Variants in VPS13D observed in about 807,000 individuals in gnomAD.
The protein encoded by VPS13D is intermembrane lipid transfer protein VPS13D.
A neutral mutation model predicts 461.9 loss-of-function variants in VPS13D; 187 were observed. The ratio of observed to expected loss-of-function variants is 0.40; its 90% CI spans 0.36 to 0.46. The LOEUF (loss-of-function observed/expected upper bound fraction) is 0.46. Among genes scored for constraint, VPS13D ranks in the 20% least tolerant of loss-of-function variants. The probability of loss-of-function intolerance (pLI) is 0.60; values close to 1 mark genes in which losing one functional copy is unlikely to be tolerated. For missense variants in VPS13D, 4,711 were observed against 5,364.9 expected, an observed-to-expected ratio of 0.88 and a Z score of 3.81; for synonymous variants, 1,951 against 1,986.3, an observed-to-expected ratio of 0.98 and a Z score of 0.47.
rs1249008287 is a variant in VPS13D, at chr1:12,502,110, A to C, written c.12794+4479A>C. ...TGCCTCTCCTGTAGGTGGGAGTGAG[A>C]TTGTGAGGAAGAGGATCCCACTCAA... On this transcript the variant is annotated intron_variant, in intron 68 of 69. Coordinates refer to ENST00000620676, the MANE Select transcript of VPS13D (RefSeq NM_015378.4). The surrounding 1 kb of genome is among the most constrained non-coding windows in gnomAD (Gnocchi z 4.3). Among the ~76,000 whole-genome samples the C allele has an allele frequency of 6.6e-6, 1 of 152,144 alleles. No individual in the cohort carries two copies. Among genetic ancestry groups the C allele is most frequent in the African/African-American group, 2.4e-5 (1 of 41,436 alleles).
intron 2 of VPS13D, among the ~76,000 whole-genome samples, chr1:12,236,451 C>T (rs1330212365): frequency 6.6e-6 from 1 of 151,962 alleles, no homozygotes; most frequent in African/African-American, 2.4e-5. Flanking sequence ...CGTGATTTCA[C>T]CTCAATGCCA....
chr1:12,428,926 T>G (rs1463250944), intron 65 of VPS13D, among the ~76,000 whole-genome samples: 2 of 152,214 alleles, frequency 1.3e-5, no homozygotes, highest in Middle Eastern at 3.2e-3. Flanking sequence ...AGTATTGCAG[T>G]GGGGTCTGTG....
chr1:12,454,673 G>A (rs1263204207), intron 65 of VPS13D, among the ~76,000 whole-genome samples: 1 of 152,226 alleles, frequency 6.6e-6, no homozygotes, highest in Non-Finnish European at 1.5e-5. Context: ...TTCCAGGGCA[G>A]ATCTGATCTG....
intron 21 of VPS13D, among the ~76,000 whole-genome samples, chr1:12,285,731 G>A (rs1009119904): frequency 6.6e-6 from 1 of 152,162 alleles, no homozygotes; most frequent in African/African-American, 2.4e-5. Flanking sequence ...TCTAACACCA[G>A]TCCATAATCA....
intron 66 of VPS13D, among the ~76,000 whole-genome samples, chr1:12,459,855 A>G (rs1343624672): frequency 6.6e-6 from 1 of 151,620 alleles, no homozygotes; most frequent in African/African-American, 2.4e-5. Context: ...TGTTGATTTA[A>G]TCCTCTATCT....
chr1:12,422,239 C>T (rs182193420), intron 65 of VPS13D, among the ~76,000 whole-genome samples: 1 of 152,280 alleles, frequency 6.6e-6, no homozygotes, highest in African/African-American at 2.4e-5. Context: ...CAGATATTTT[C>T]ATAATTTGTC....
chr1:12,255,561 T>C (rs977774360), intron 7 of VPS13D, among the ~76,000 whole-genome samples: 1 of 151,988 alleles, frequency 6.6e-6, no homozygotes, highest in Admixed American at 6.6e-5. Context: ...CTTTTTTTTT[T>C]CCTTTAAAAT....
intron 26 of VPS13D, among the ~76,000 whole-genome samples, chr1:12,308,138 G>C (rs74989868): frequency 0.02 from 3,014 of 152,280 alleles, 130 homozygotes; most frequent in Admixed American, 0.11. Flanking sequence ...CCCAGCCTCA[G>C]TTGTTGTCAC....
chr1:12,280,168 G>T (rs933140856), intron 20 of VPS13D, among the ~76,000 whole-genome samples: 1 of 151,996 alleles, frequency 6.6e-6, no homozygotes, highest in Non-Finnish European at 1.5e-5. Flanking sequence ...CATTTTCCCT[G>T]ATTTCACAGG....
At chr1:12,423,312 C>T (rs1359205418) in intron 65 of VPS13D, among the ~76,000 whole-genome samples, 1 of 152,116 alleles carries the variant, frequency 6.6e-6, no homozygotes, top group Non-Finnish European at 1.5e-5. Context: ...TCTCAGTTCT[C>T]ATTTTTAATT....
chr1:12,308,659 T>G lies in VPS13D; in HGVS notation c.6650+18T>G. The stretch of plus-strand genomic sequence containing the variant: ...TTGGACAAGTGAGTGTTTTTTTTTT[T>G]TTTTGAGATGGAGTCTCGCTCTGTT... On this transcript the variant is annotated intron_variant, in intron 27 of 69. Coordinates refer to ENST00000620676, the MANE Select transcript of VPS13D (RefSeq NM_015378.4). 1 of 1,612,000 alleles carries G rather than the reference T, an allele frequency of 6.2e-7. No individual in the cohort carries two copies. The highest frequency in any genetic ancestry group is 1.1e-5 in the South Asian group (1 of 90,898).
rs1028632667 is a variant in VPS13D at position 12,456,483 on chromosome 1, C to T, written c.12466+353C>T. Reference sequence around the variant, plus strand: ...TGGAACCCCATCTCTATCAAAAATACGAAAATTAGACAGGCGTGGTGGTAC... The same window carrying T: ...TGGAACCCCATCTCTATCAAAAATATGAAAATTAGACAGGCGTGGTGGTAC... On this transcript the variant is annotated intron_variant, in intron 66 of 69. Coordinates refer to ENST00000620676, the MANE Select transcript of VPS13D (RefSeq NM_015378.4). Among the ~76,000 whole-genome samples the T allele has an allele frequency of 7.2e-5, 11 of 151,794 alleles. No homozygotes were observed. The East Asian group carries it at 9.7e-4, about 13-fold the overall frequency.
rs747210257 is a variant in VPS13D at position 12,495,550 on chromosome 1, T to C, written c.12663-1950T>C. On this transcript the variant is annotated intron_variant, in intron 67 of 69. Transcript: ENST00000620676. This position sits in a 1 kb window ranked among gnomAD's most constrained non-coding sequence, Gnocchi z 4.0. ...AGAACAAATTATGAGACTACTGTAA[T>C]AATATATTACAAATCCAGGGATCCT... 6.6e-6 allele frequency among the ~76,000 whole-genome samples: 1 copy of C among 152,318 alleles called. No individual in the cohort carries two copies. The highest frequency in any genetic ancestry group is 1.5e-5 in the Non-Finnish European group (1 of 68,034).
At chr1:12,325,553 C>T (rs573306109) in intron 35 of VPS13D, among the ~76,000 whole-genome samples, 144 of 152,242 alleles carry the variant, frequency 9.5e-4, no homozygotes, top group African/African-American at 3.3e-3. Context: ...CCACTGTACC[C>T]GGCCTCTTTC....
At chr1:12,255,883 C>T (rs1216522830) in intron 7 of VPS13D, among the ~76,000 whole-genome samples, 7 of 135,182 alleles carry the variant, frequency 5.2e-5, no homozygotes, top group East Asian at 2.1e-4. Context: ...GAGCAAGACT[C>T]GTCTCAAAAA....
chr1:12,275,061 G>A (rs1303838075), intron 18 of VPS13D, among the ~76,000 whole-genome samples: 1 of 151,966 alleles, frequency 6.6e-6, no homozygotes, highest in Admixed American at 6.6e-5. Context: ...TCTACTAAAA[G>A]TACAAAAATT....
At chr1:12,340,898 G>T (rs1042549030) in intron 40 of VPS13D, among the ~76,000 whole-genome samples, 9 of 152,188 alleles carry the variant, frequency 5.9e-5, no homozygotes, top group African/African-American at 2.2e-4. Flanking sequence ...GGTTAGAGGA[G>T]CTGCTGCCCT....
chr1:12,509,160 T>A lies in VPS13D; in HGVS notation c.*136T>A. 1 of 1,046,558 alleles carries A rather than the reference T, an allele frequency of 9.6e-7. No homozygotes were observed. Among genetic ancestry groups the A allele is most frequent in the Non-Finnish European group, 1.3e-6 (1 of 750,884 alleles). The allele number at this position is 1,046,558 out of a possible 1,614,324, so 64.8% of individuals were successfully genotyped here. The stretch of plus-strand genomic sequence containing the variant: ...TTGTCAAGGAATGAGGGAAAGTAAA[T>A]CCTCATGAGGAAAAGTACAAATGGA... On this transcript the variant is annotated 3_prime_UTR_variant, in exon 70 of 70. Coordinates refer to ENST00000620676, the MANE Select transcript of VPS13D (RefSeq NM_015378.4).
intron 47 of VPS13D, among the ~76,000 whole-genome samples, chr1:12,355,396 TGGTGTATTTCATAA>T (rs934589256): frequency 6.6e-6 from 1 of 152,180 alleles, no homozygotes; most frequent in African/African-American, 2.4e-5. Flanking sequence ...CAATATTGTA[TGGTGTATTTCATAA>T]GAGCTAGAAG....
Sources: allele counts gnomAD v4.1 joint callset (sites outside exome capture counted in the v4.1 genomes callset), GRCh38; gene constraint gnomAD v4.1.1; non-coding constraint Gnocchi (gnomAD v3.1); transcripts MANE v1.5; gene names NCBI Gene and HGNC (gene_info 2026-07-23, HGNC 2026-07-21).